Variants in LY75 observed in about 807,000 individuals in gnomAD.
LY75 encodes lymphocyte antigen 75, also known as C-type lectin domain family 13 member B.
LY75 carries 185 observed loss-of-function variants against 231.7 expected under a neutral mutation model. That is an observed-to-expected ratio of 0.80 (90% confidence interval 0.71 to 0.90). LY75 has a LOEUF of 0.90. Ranked by LOEUF, LY75 falls within the 40% of genes least tolerant of loss-of-function variation. The pLI, the probability that LY75 is intolerant of heterozygous loss-of-function variation, is 0.00. For missense variants in LY75, 1,947 were observed against 2,050.2 expected, an observed-to-expected ratio of 0.95 and a Z score of 0.97; for synonymous variants, 668 against 689.0, an observed-to-expected ratio of 0.97 and a Z score of 0.48.
At chr2:159,866,378 C>T (rs571629463) in intron 13 of LY75, among the ~76,000 whole-genome samples, 5 of 152,212 alleles carry the variant, frequency 3.3e-5, no homozygotes, top group African/African-American at 1.2e-4. Context: ...TTCATCTTTT[C>T]AACCTCAAGG....
chr2:159,890,314 G>A lies in LY75; in HGVS notation c.701C>T (p.Thr234Ile), dbSNP rs775814534. ...TTCTTTCCAAGAAAGAGCCGTCTGA[G>A]TATTAAATTGGTAGCAACTTCCAAA... ...EQFGSCYQFN[T>I]QTALSWKEAY... Residue 234 changes from threonine to isoleucine, a missense_variant, in exon 4 of 35, where the codon ACT becomes ATT. Thr to Ile is a moderately conservative substitution (Grantham distance 89). Coordinates refer to ENST00000263636, the MANE Select transcript of LY75 (RefSeq NM_002349.4). 1 of 1,613,474 alleles carries A rather than the reference G, an allele frequency of 6.2e-7. No individual in the cohort carries two copies. The highest frequency in any genetic ancestry group is 8.5e-7 in the Non-Finnish European group (1 of 1,179,668).
At chr2:159,850,800 T>TATATATATA (rs1560081076) in intron 21 of LY75, among the ~76,000 whole-genome samples, 24 of 59,394 alleles carry the variant, frequency 4.0e-4, no homozygotes, top group African/African-American at 1.0e-3. Context: ...ATATATATAT[T>TATATATATA]ATATCTTATA....
chr2:159,897,178 A>G (rs970505931), intron 2 of LY75, among the ~76,000 whole-genome samples: 1 of 152,192 alleles, frequency 6.6e-6, no homozygotes, highest in Non-Finnish European at 1.5e-5. Flanking sequence ...GAGGGAGTTT[A>G]AGATTACAAC....
At chr2:159,861,455 AG>A (rs1684696282) in intron 14 of LY75, among the ~76,000 whole-genome samples, 1 of 152,242 alleles carries the variant, frequency 6.6e-6, no homozygotes, top group Non-Finnish European at 1.5e-5. Flanking sequence ...TCCTCCAATA[AG>A]GATACTTTTG....
At chr2:159,853,180 T>TATA in intron 20 of LY75, 93 bp downstream of exon 20, 1 of 1,315,766 alleles carries the variant, frequency 7.6e-7, no homozygotes. Flanking sequence ...TTACCAAACA[T>TATA]ATAATTAAAA....
chr2:159,872,381 G>GGT, intron 13 of LY75, 70 bp downstream of exon 13: 1 of 1,560,076 alleles, frequency 6.4e-7, no homozygotes, highest in South Asian at 1.2e-5. Flanking sequence ...GTGAGGGTAA[G>GGT]AACATGTCAA....
In LY75 at chr2:159,815,587, AAT is replaced by A. The variant is rs1440237149; in HGVS notation, c.4381-16_4381-15del. The A allele has an allele frequency of 1.2e-6, 2 of 1,606,198 alleles. No individual in the cohort carries two copies. On this transcript the variant is annotated splice_polypyrimidine_tract_variant and intron_variant, in intron 30 of 34. Coordinates refer to ENST00000263636, the MANE Select transcript of LY75 (RefSeq NM_002349.4). ...TGATTCACTTCCCTGTTGTAAGAAC[AAT>A]AGAGATAACCTGAATCCAGATGTTT...
At chr2:159,831,630 A>G in intron 28 of LY75, 40 bp downstream of exon 28, 1 of 1,599,844 alleles carries the variant, frequency 6.3e-7, no homozygotes, top group Non-Finnish European at 8.5e-7. Flanking sequence ...ATAATGAAGT[A>G]CAAAAACAAA....
intron 31 of LY75, among the ~76,000 whole-genome samples, chr2:159,814,205 T>C (rs1249600813): frequency 6.6e-6 from 1 of 152,218 alleles, no homozygotes; most frequent in Non-Finnish European, 1.5e-5. Flanking sequence ...TTTTGTGGTC[T>C]TCCTCAAGGT....
rs754653012 is a variant in LY75, at chr2:159,852,238, A to G, written c.2846T>C (p.Val949Ala). 6.2e-7 allele frequency: 1 copy of G among 1,614,040 alleles called. No individual in the cohort carries two copies. Among genetic ancestry groups the G allele is most frequent in the Non-Finnish European group, 8.5e-7 (1 of 1,179,978 alleles). The change falls in exon 21 of 35, where the codon GTG becomes GCG. Residue 949 changes from valine to alanine, a missense_variant. Transcript: ENST00000263636. ...EKYSPDSAAKVQCSEQWIPFQ... is the reference protein window; with the variant it reads ...EKYSPDSAAKAQCSEQWIPFQ... ...AGGAATCCATTGCTCAGAACATTGC[A>G]CTTTAGCTGCAGAATCTGGGCTGTA...
chr2:159,881,198 ATGTTTATGT>A lies in LY75; in HGVS notation c.1280_1288del (p.Asn427_Asn429del), dbSNP rs768271157. On this transcript the variant is annotated inframe_deletion, in exon 8 of 35. Transcript: ENST00000263636. Reference sequence around the variant, plus strand: ...ATCTGACCACTGAAATAAAGTTGGTATGTTTATGTTCTTAAGGCCTATCCACACTTCTTC... The same window carrying A: ...ATCTGACCACTGAAATAAAGTTGGTATCTTAAGGCCTATCCACACTTCTTC... 8 of 1,613,812 alleles carry A rather than the reference ATGTTTATGT, an allele frequency of 5.0e-6. No individual in the cohort carries two copies. The Admixed American group carries it at 1.3e-4, about 27-fold the overall frequency.
At chr2:159,881,001 C>G in intron 8 of LY75, 82 bp downstream of exon 8, 1 of 1,513,432 alleles carries the variant, frequency 6.6e-7, no homozygotes, top group East Asian at 2.3e-5. Context: ...AGCTTATACG[C>G]AAACTTCCCA....
intron 16 of LY75, among the ~76,000 whole-genome samples, chr2:159,858,160 G>A (rs1684599709): frequency 6.6e-6 from 1 of 152,150 alleles, no homozygotes; most frequent in Admixed American, 6.6e-5. Flanking sequence ...TGATCAAAGA[G>A]TAAGATATCA....
At chr2:159,834,446 T>C (rs1683758910) in intron 26 of LY75, among the ~76,000 whole-genome samples, 1 of 152,168 alleles carries the variant, frequency 6.6e-6, no homozygotes, top group African/African-American at 2.4e-5. Flanking sequence ...ATGTAAAAAA[T>C]GAGGTGCTAT....
chr2:159,813,974 C>T (rs1349798268), intron 31 of LY75: 1 of 152,150 alleles, frequency 6.6e-6, no homozygotes, highest in Non-Finnish European at 1.5e-5. Flanking sequence ...TACCTTGATT[C>T]CTCATCCTTT....
At chr2:159,874,507 T>C (rs1685151253) in intron 12 of LY75, among the ~76,000 whole-genome samples, 1 of 98,322 alleles carries the variant, frequency 1.0e-5, no homozygotes, top group South Asian at 5.2e-4. Flanking sequence ...TGTAAATCTA[T>C]ATAAATATGT....
At chr2:159,841,463 CAT>C (rs1560076206) in intron 24 of LY75, among the ~76,000 whole-genome samples, 2 of 152,106 alleles carry the variant, frequency 1.3e-5, no homozygotes, top group Non-Finnish European at 2.9e-5. Context: ...TGCCAAAGCA[CAT>C]GAGATATCTA....
intron 6 of LY75, among the ~76,000 whole-genome samples, 160 bp downstream of exon 6, chr2:159,884,993 T>A (rs538844619): frequency 5.3e-5 from 8 of 152,312 alleles, no homozygotes; most frequent in Admixed American, 4.6e-4. Context: ...ATATGGTTGA[T>A]AATATCTAAC....
chr2:159,892,351 T>C (rs1022812044), intron 3 of LY75, among the ~76,000 whole-genome samples: 6 of 152,194 alleles, frequency 3.9e-5, no homozygotes, highest in African/African-American at 1.4e-4. Context: ...GACAAGGACT[T>C]CATAGCCAGA....
Sources: gnomAD v4.1 joint callset for allele counts (sites outside exome capture counted in the v4.1 genomes callset) on GRCh38, gnomAD v4.1.1 for gene constraint, MANE v1.5 for transcripts, NCBI Gene and HGNC (gene_info 2026-07-23, HGNC 2026-07-21) for gene names.